The following PCDH11Y variants were observed in gnomAD, a reference collection of about 807,000 sequenced individuals.
PCDH11Y encodes the protein protocadherin 11 Y-linked, also known as protocadherin-11 Y-linked.
For synonymous variants in PCDH11Y, 9 were observed against 83.6 expected (o/e 0.11, Z 4.87); for missense variants, 12 against 224.8 (o/e 0.05, Z 6.05).
intron 2 of PCDH11Y, among the ~76,000 whole-genome samples, chrY:5,174,538 G>A (rs2124646073): frequency 3.1e-5 from 1 of 31,888 alleles, no homozygotes; most frequent in East Asian, 8.4e-4. Context: ...AGATACAATT[G>A]CTATGAGCAA....
chrY:5,145,825 A>G, intron 2 of PCDH11Y, among the ~76,000 whole-genome samples: 1 of 33,379 alleles, frequency 3.0e-5, no homozygotes, highest in African/African-American at 1.2e-4. Flanking sequence ...AAGATGACAC[A>G]GTTAGTAAGT....
chrY:5,000,860 C>A, intron 1 of PCDH11Y, among the ~76,000 whole-genome samples: 2 of 33,322 alleles, frequency 6.0e-5, no homozygotes, highest in African/African-American at 1.2e-4. Context: ...TTTGGGAAAA[C>A]TCTCACTTTT....
At chrY:5,016,703 T>C in intron 1 of PCDH11Y, among the ~76,000 whole-genome samples, 1 of 33,212 alleles carries the variant, frequency 3.0e-5, no homozygotes, top group Non-Finnish European at 7.5e-5. Context: ...AATATCACTA[T>C]AATACCTTAC....
intron 4 of PCDH11Y, among the ~76,000 whole-genome samples, chrY:5,720,042 G>C: frequency 2.1e-4 from 7 of 33,242 alleles, no homozygotes; most frequent in Admixed American, 1.9e-3. Flanking sequence ...CTTCATTTTG[G>C]CCAATTTCTC....
chrY:5,136,190 T>C, intron 2 of PCDH11Y, among the ~76,000 whole-genome samples: 1 of 30,038 alleles, frequency 3.3e-5, no homozygotes, highest in Non-Finnish European at 8.1e-5. Context: ...GCCCAGAGCC[T>C]GATAGCCCCA....
At chrY:5,343,463 C>A (rs1602908321) in intron 2 of PCDH11Y, among the ~76,000 whole-genome samples, 106 of 31,634 alleles carry the variant, frequency 3.4e-3, no homozygotes, top group African/African-American at 0.012. Context: ...CCGTGTTATC[C>A]AGGATGGTTT....
At chrY:5,392,904 A>G in intron 2 of PCDH11Y, among the ~76,000 whole-genome samples, 5 of 33,221 alleles carry the variant, frequency 1.5e-4, no homozygotes, top group Non-Finnish European at 3.7e-4. Context: ...ATATGATGTC[A>G]CTATGATTGA....
chrY:5,634,697 A>G, intron 4 of PCDH11Y: 4 of 42,358 alleles, frequency 9.4e-5, no homozygotes, highest in African/African-American at 4.6e-4. Flanking sequence ...ATGACACGTT[A>G]TGGACTAAAA....
chrY:5,034,938 G>A (rs2124622088), intron 3 of PCDH11Y, among the ~76,000 whole-genome samples: 2 of 28,685 alleles, frequency 7.0e-5, no homozygotes, highest in South Asian at 1.7e-3. Context: ...ATGTTGGCTC[G>A]GCTGAAGAGG....
intron 1 of PCDH11Y, among the ~76,000 whole-genome samples, chrY:5,004,980 T>C (rs2052537762): frequency 2.6e-3 from 87 of 33,233 alleles, no homozygotes; most frequent in Non-Finnish European, 1.2e-3. Flanking sequence ...GAGAGAGAGG[T>C]CTGTGGCTTT....
At chrY:5,460,635 T>G in intron 2 of PCDH11Y, among the ~76,000 whole-genome samples, 1 of 33,151 alleles carries the variant, frequency 3.0e-5, no homozygotes. Flanking sequence ...CCTTGAACTT[T>G]ATCTTACCAT....
At chrY:5,385,032 C>T (rs2053210907) in intron 2 of PCDH11Y, among the ~76,000 whole-genome samples, 2 of 30,279 alleles carry the variant, frequency 6.6e-5, no homozygotes, top group Non-Finnish European at 1.6e-4. Flanking sequence ...AAACAATGGC[C>T]GTTCATACAT....
intron 2 of PCDH11Y, among the ~76,000 whole-genome samples, chrY:5,239,138 C>T (rs2052984972): frequency 9.2e-5 from 3 of 32,566 alleles, no homozygotes; most frequent in Admixed American, 2.9e-4. Flanking sequence ...ATGTTTATTG[C>T]GGCACTATTC....
At chrY:5,159,834 C>T in intron 2 of PCDH11Y, among the ~76,000 whole-genome samples, 3 of 29,579 alleles carry the variant, frequency 1.0e-4, no homozygotes, top group African/African-American at 4.0e-4. Flanking sequence ...ATTGGCAGTT[C>T]TGTGAGATGA....
intron 4 of PCDH11Y, among the ~76,000 whole-genome samples, chrY:5,643,814 G>C: frequency 3.5e-5 from 1 of 28,479 alleles, no homozygotes; most frequent in African/African-American, 1.4e-4. Context: ...CATTGGAGCA[G>C]TAGTTTTCAG....
At chrY:5,115,224 A>G in intron 2 of PCDH11Y, among the ~76,000 whole-genome samples, 1 of 23,139 alleles carries the variant, frequency 4.3e-5, no homozygotes, top group South Asian at 1.1e-3. Flanking sequence ...GCTCACTGCA[A>G]GCGCTTTTAG....
At chrY:5,513,020 T>TTTTA (rs763009872) in intron 3 of PCDH11Y, among the ~76,000 whole-genome samples, 25 of 32,206 alleles carry the variant, frequency 7.8e-4, no homozygotes, top group African/African-American at 1.3e-3. Flanking sequence ...CACATCTTAT[T>TTTTA]TTTATTTATT....
chrY:5,368,443 G>A, intron 2 of PCDH11Y, among the ~76,000 whole-genome samples: 4 of 34,250 alleles, frequency 1.2e-4, no homozygotes, highest in Admixed American at 1.1e-3. Flanking sequence ...CTTCCACGTG[G>A]TGTTGAGCCT....
At chrY:5,393,499 G>A in intron 2 of PCDH11Y, among the ~76,000 whole-genome samples, 1 of 26,955 alleles carries the variant, frequency 3.7e-5, no homozygotes, top group Admixed American at 3.8e-4. Context: ...ACCAGCTTGG[G>A]CAACATAGTG....
Sources: allele counts gnomAD v4.1 joint callset (sites outside exome capture counted in the v4.1 genomes callset), GRCh38; gene constraint gnomAD v4.1.1; transcripts MANE v1.5; gene names NCBI Gene and HGNC (gene_info 2026-07-23, HGNC 2026-07-21).